The following DGAT2 variants were observed in gnomAD, a reference collection of about 807,000 sequenced individuals.
DGAT2 encodes acyl-CoA retinol O-fatty-acyltransferase.
In DGAT2, 33 loss-of-function variants were observed where a neutral mutation model predicts 48.4. The observed-to-expected ratio is 0.68, with a 90% CI of 0.52 to 0.91. DGAT2 has a LOEUF of 0.91. Among genes scored for constraint, DGAT2 ranks in the 40% least tolerant of loss-of-function variants. DGAT2 has a pLI of 0.00. For missense variants in DGAT2, 446 were observed against 493.7 expected (o/e 0.90, Z 0.92); for synonymous variants, 191 against 194.1 (o/e 0.98, Z 0.13).
At chr11:75,783,075 C>T (rs1944884272) in intron 1 of DGAT2, among the ~76,000 whole-genome samples, 1 of 152,208 alleles carries the variant, frequency 6.6e-6, no homozygotes, top group Non-Finnish European at 1.5e-5. Context: ...GCTCTATGGC[C>T]CAGCCTCTTT....
chr11:75,785,360 G>A (rs1944910436), intron 2 of DGAT2, among the ~76,000 whole-genome samples: 1 of 152,204 alleles, frequency 6.6e-6, no homozygotes, highest in African/African-American at 2.4e-5. Flanking sequence ...ATCGGGAGGT[G>A]CCCTCAGACC....
chr11:75,769,072 C>G lies in DGAT2; in HGVS notation c.81C>G (p.His27Gln). ...AGGCTGACCGGAGCCAGCGCTCTCA[C>G]GGAGGACCTGCGCTGTCGCGCGAGG... The part of the protein sequence containing the change: ...QAEADRSQRS[H>Q]GGPALSREGS... The change falls in exon 1 of 8, where the codon CAC becomes CAG. Residue 27 changes from histidine to glutamine, a missense_variant. Transcript: ENST00000228027. 1.3e-6 allele frequency: 2 copies of G among 1,584,090 alleles called. No individual in the cohort carries two copies. Among genetic ancestry groups the G allele is most frequent in the Non-Finnish European group, 8.6e-7 (1 of 1,167,936 alleles).
At chr11:75,800,103 G>A (rs777632671) in intron 7 of DGAT2, among the ~76,000 whole-genome samples, 1 of 152,224 alleles carries the variant, frequency 6.6e-6, no homozygotes, top group Non-Finnish European at 1.5e-5. Context: ...GCAGAATGCA[G>A]TGGGTTCAAC....
intron 1 of DGAT2, among the ~76,000 whole-genome samples, chr11:75,782,488 A>G (rs919427381): frequency 1.2e-4 from 19 of 152,188 alleles, no homozygotes; most frequent in African/African-American, 4.3e-4. Context: ...TCCGGTGGCC[A>G]TGGCTCCTGC....
Position 75,800,565 on chromosome 11 carries a change from T to A in DGAT2, c.*57T>A, listed in dbSNP as rs2135783669. Reference sequence around the variant, plus strand: ...CCAGCTGCAAATCACTTTTTTGCTCTGTAAATTTGGAAGTGTCATGGGTGT... The same window carrying A: ...CCAGCTGCAAATCACTTTTTTGCTCAGTAAATTTGGAAGTGTCATGGGTGT... On this transcript the variant is annotated 3_prime_UTR_variant, in exon 8 of 8. Coordinates refer to ENST00000228027, the MANE Select transcript of DGAT2 (RefSeq NM_032564.5). The A allele has an allele frequency of 6.3e-7, 1 of 1,576,672 alleles. No individual in the cohort carries two copies. Among genetic ancestry groups the A allele is most frequent in the East Asian group, 2.3e-5 (1 of 43,526 alleles).
At chr11:75,798,800 C>T (rs1945083594) in intron 7 of DGAT2, among the ~76,000 whole-genome samples, 1 of 152,148 alleles carries the variant, frequency 6.6e-6, no homozygotes, top group Admixed American at 6.5e-5. Context: ...AACTCTTGCA[C>T]TGCTAACTGA....
chr11:75,782,157 T>C (rs966775593), intron 1 of DGAT2, among the ~76,000 whole-genome samples: 5 of 152,158 alleles, frequency 3.3e-5, no homozygotes, highest in African/African-American at 4.8e-5. Flanking sequence ...TGCCTTTTTT[T>C]CCTGCCAAAT....
At chr11:75,772,349 G>C (rs967265152) in intron 1 of DGAT2, among the ~76,000 whole-genome samples, 23 of 152,144 alleles carry the variant, frequency 1.5e-4, no homozygotes, top group African/African-American at 4.8e-4. Flanking sequence ...GTAAGCCCCA[G>C]GTGAACAGCC....
At chr11:75,790,088 T>C (rs1334948129) in intron 2 of DGAT2, 100 bp from the exon 3 acceptor site, 16 of 858,784 alleles carry the variant, frequency 1.9e-5, no homozygotes, top group Non-Finnish European at 2.9e-5. Flanking sequence ...GCCCTGGGTG[T>C]GCCTAGCTTA....
At chr11:75,789,709 G>A (rs188221228) in intron 2 of DGAT2, among the ~76,000 whole-genome samples, 18 of 152,276 alleles carry the variant, frequency 1.2e-4, no homozygotes, top group Admixed American at 1.0e-3. Flanking sequence ...TCCCCCTTGA[G>A]CCTCAGTGTT....
rs1267144559 is a variant in DGAT2, at chr11:75,797,151, C to G, written c.635-7C>G. ...ACCCTGACTGTTGCGTCCTTCCCTC[C>G]CCTCAGGTATCTGCCCTGTCAGCCG... On this transcript the variant is annotated splice_polypyrimidine_tract_variant and splice_region_variant and intron_variant, in intron 5 of 7. Coordinates refer to ENST00000228027, the MANE Select transcript of DGAT2 (RefSeq NM_032564.5). 6.8e-7 allele frequency: 1 copy of G among 1,474,300 alleles called. No individual in the cohort carries two copies. Among genetic ancestry groups the G allele is most frequent in the African/African-American group, 1.4e-5 (1 of 69,674 alleles). 91.3% of individuals were successfully genotyped at this position (1,474,300 alleles called of 1,614,324 possible).
intron 4 of DGAT2, chr11:75,794,800 A>G (rs565161821): frequency 6.6e-6 from 1 of 152,340 alleles, no homozygotes; most frequent in Admixed American, 6.5e-5. Flanking sequence ...TTTGAGTAGA[A>G]AAAGGACTCA....
chr11:75,779,898 A>G (rs1176113647), intron 1 of DGAT2, among the ~76,000 whole-genome samples: 1 of 152,240 alleles, frequency 6.6e-6, no homozygotes, highest in Non-Finnish European at 1.5e-5. Context: ...TAACTTGGGC[A>G]TCCAGGCCTA....
intron 4 of DGAT2, 101 bp downstream of exon 4, chr11:75,790,832 G>T (rs1399758081): frequency 8.3e-7 from 1 of 1,209,526 alleles, no homozygotes; most frequent in East Asian, 2.4e-5. Context: ...GACCAAGTTG[G>T]TCTCTTCATT....
At chr11:75,769,760 GA>G (rs1014060591) in intron 1 of DGAT2, among the ~76,000 whole-genome samples, 11 of 152,086 alleles carry the variant, frequency 7.2e-5, no homozygotes, top group Admixed American at 3.3e-4. Context: ...TAGAGCTGGA[GA>G]AACTGAAGTG....
chr11:75,788,650 A>G (rs753229475), intron 2 of DGAT2, among the ~76,000 whole-genome samples: 7 of 152,186 alleles, frequency 4.6e-5, no homozygotes, highest in Non-Finnish European at 8.8e-5. Context: ...GAGGCTCAAC[A>G]TGGTGAGAAG....
intron 4 of DGAT2, 94 bp from the exon 5 acceptor site, chr11:75,796,234 G>A: frequency 1.8e-6 from 2 of 1,082,552 alleles, no homozygotes; most frequent in African/African-American, 1.5e-5. Flanking sequence ...GGAGGTCCAG[G>A]GGAAATGACA....
intron 2 of DGAT2, among the ~76,000 whole-genome samples, chr11:75,789,269 C>T (rs538304312): frequency 2.6e-5 from 4 of 152,268 alleles, no homozygotes; most frequent in African/African-American, 9.6e-5. Context: ...CCATCTCAGC[C>T]TCCTGAGTAG....
At chr11:75,783,809 A>T (rs1332051628) in intron 1 of DGAT2, among the ~76,000 whole-genome samples, 1 of 152,102 alleles carries the variant, frequency 6.6e-6, no homozygotes, top group Non-Finnish European at 1.5e-5. Flanking sequence ...CCAGGGTGTC[A>T]TCCTAGGGGC....
Sources: gnomAD v4.1 joint callset for allele counts (sites outside exome capture counted in the v4.1 genomes callset) on GRCh38, gnomAD v4.1.1 for gene constraint, MANE v1.5 for transcripts, NCBI Gene and HGNC (gene_info 2026-07-23, HGNC 2026-07-21) for gene names.